EPM2A: variants seen among roughly 807,000 people sequenced by gnomAD.
The protein encoded by EPM2A is EPM2A glucan phosphatase, laforin, also known as laforin.
A neutral mutation model predicts 26.5 loss-of-function variants in EPM2A; 21 were observed. That is an observed-to-expected ratio of 0.79 (90% CI 0.56 to 1.14). The LOEUF (loss-of-function observed/expected upper bound fraction) is 1.14, where lower values mean the gene tolerates loss of function less well. Among genes scored for constraint, EPM2A ranks in the 50% most tolerant of loss-of-function variants. EPM2A has a pLI of 0.00. For synonymous variants in EPM2A, 217 were observed against 177.6 expected, an observed-to-expected ratio of 1.22 and a Z score of -1.76; for missense variants, 458 against 440.8, an observed-to-expected ratio of 1.04 and a Z score of -0.35.
chr6:145,443,378 C>A (rs1401290827), intron 4 of EPM2A, among the ~76,000 whole-genome samples: 1 of 152,138 alleles, frequency 6.6e-6, no homozygotes, highest in Non-Finnish European at 1.5e-5. Context: ...AAGTTTCTTC[C>A]ATTTGCTTCT....
downstream of EPM2A, among the ~76,000 whole-genome samples, chr6:145,498,776 G>A (rs192743978): frequency 7.9e-5 from 12 of 152,154 alleles, no homozygotes; most frequent in East Asian, 1.9e-4. Context: ...GTTCCTCTCC[G>A]TGAGTGCCAT....
intron 4 of EPM2A, chr6:145,489,649 G>A: frequency 7.7e-7 from 1 of 1,305,458 alleles, no homozygotes; most frequent in East Asian, 2.3e-5. Flanking sequence ...AACCAGCATA[G>A]CTGTTCTGTC....
Position 145,574,372 on chromosome 6 carries a change from C to T in EPM2A, c.340+60873G>A, listed in dbSNP as rs184150070. On this transcript the variant is annotated intron_variant, in intron 2 of 3. Coordinates refer to the EPM2A transcript ENST00000450221. ...CCTCTGCTGTCCATTATGGTAGCTA[C>T]ACCCACCTTGCCTTTGACAGTTGAG... Among the ~76,000 whole-genome samples the T allele has an allele frequency of 6.6e-5, 10 of 152,320 alleles. No individual in the cohort carries two copies. The East Asian group carries it at 1.9e-3, about 29-fold the overall frequency.
intron 4 of EPM2A, among the ~76,000 whole-genome samples, chr6:145,449,741 A>G (rs1251945023): frequency 1.3e-5 from 2 of 152,196 alleles, no homozygotes; most frequent in African/African-American, 2.4e-5. Context: ...CAGATTTTCA[A>G]TGGACTCTTC....
At chr6:145,563,533 C>A (rs1174747901) in intron 2 of EPM2A, among the ~76,000 whole-genome samples, 1 of 151,758 alleles carries the variant, frequency 6.6e-6, no homozygotes, top group Non-Finnish European at 1.5e-5. Context: ...ATGGTAAGTG[C>A]AATAGAAAGC....
rs374359284 is a variant in EPM2A at position 145,491,391 on chromosome 6, GGGCCCTGTGGACTCCATATCT to G, written c.555+11110_555+11130del. 2.7e-3 allele frequency among the ~76,000 whole-genome samples: 418 copies of G among 152,202 alleles called. 2 individuals carry two copies. Among genetic ancestry groups the G allele is most frequent in the Non-Finnish European group, 4.7e-3 (319 of 67,988 alleles). On this transcript the variant is annotated intron_variant, in intron 4 of 4. Transcript: ENST00000638717. The stretch of plus-strand genomic sequence containing the variant: ...TGCTGGCAGGAGCAAAACTCTATGC[GGGCCCTGTGGACTCCATATCT>G]GGCAGGACCCTCCATCCCCAGCTGG...
intron 1 of EPM2A, among the ~76,000 whole-genome samples, chr6:145,730,655 T>C (rs887220748): frequency 3.3e-5 from 5 of 152,202 alleles, no homozygotes; most frequent in Admixed American, 6.5e-5. Context: ...TTCAGTTTGG[T>C]TACATGAATT....
In EPM2A at chr6:145,735,424, C is replaced by T. The variant is rs1386842136; in HGVS notation, c.75G>A (p.Ser25=). ...GCTCCCAACGCCCCAGCTCGGGCCGCGACCCCACCACCAGCAGCTCCGGCC... is the reference window on the plus strand; with the variant it reads ...GCTCCCAACGCCCCAGCTCGGGCCGTGACCCCACCACCAGCAGCTCCGGCC... ...GARPELLVVG[S]RPELGRWEPR... Residue 25 remains serine, a synonymous_variant, in exon 1 of 4, where the codon TCG becomes TCA. Coordinates refer to ENST00000367519, the MANE Select transcript of EPM2A (RefSeq NM_005670.4). 8.0e-7 allele frequency: 1 copy of T among 1,255,950 alleles called. No individual in the cohort carries two copies. The highest frequency in any genetic ancestry group is 2.6e-5 in the South Asian group (1 of 38,666). The allele number at this position is 1,255,950 out of a possible 1,614,324, so 77.8% of individuals were successfully genotyped here.
intron 2 of EPM2A, among the ~76,000 whole-genome samples, chr6:145,672,170 C>T (rs1384057262): frequency 1.3e-5 from 2 of 152,134 alleles, no homozygotes; most frequent in African/African-American, 4.8e-5. Context: ...AAACATAGTA[C>T]AAGCTAAATG....
intron 4 of EPM2A, among the ~76,000 whole-genome samples, chr6:145,399,186 C>T (rs1444966913): frequency 1.3e-5 from 2 of 152,068 alleles, no homozygotes; most frequent in East Asian, 1.9e-4. Flanking sequence ...AGAGAGGTGA[C>T]TCATGGTTTA....
At chr6:145,724,707 A>G (rs182439482) in intron 1 of EPM2A, among the ~76,000 whole-genome samples, 9 of 152,088 alleles carry the variant, frequency 5.9e-5, no homozygotes, top group Non-Finnish European at 8.8e-5. Context: ...ATATGCAAAT[A>G]AAGTCAGGTG....
chr6:145,708,918 T>C (rs938053033), intron 1 of EPM2A, among the ~76,000 whole-genome samples: 2 of 152,110 alleles, frequency 1.3e-5, no homozygotes, highest in Non-Finnish European at 2.9e-5. Flanking sequence ...CTTGCATTAG[T>C]GTGACCTGGA....
At chr6:145,578,948 C>A (rs137957018) in intron 2 of EPM2A, among the ~76,000 whole-genome samples, 1 of 150,736 alleles carries the variant, frequency 6.6e-6, no homozygotes, top group African/African-American at 2.4e-5. Flanking sequence ...GGGAATTGAA[C>A]AATGAGAACA....
At chr6:145,636,165 T>TAATAACCCTTTAGAC (rs1776667346) in intron 2 of EPM2A, 1 of 152,356 alleles carries the variant, frequency 6.6e-6, no homozygotes, top group Non-Finnish European at 1.5e-5. Flanking sequence ...AGAAAAATTT[T>TAATAACCCTTTAGAC]AATAACCCTT....
chr6:145,472,634 C>T (rs1174639551), intron 4 of EPM2A, among the ~76,000 whole-genome samples: 1 of 152,096 alleles, frequency 6.6e-6, no homozygotes, highest in Non-Finnish European at 1.5e-5. Context: ...GGCAGTACTC[C>T]TCATGGCCTA....
At chr6:145,587,175 A>C (rs781067859) in intron 2 of EPM2A, among the ~76,000 whole-genome samples, 1 of 152,224 alleles carries the variant, frequency 6.6e-6, no homozygotes, top group African/African-American at 2.4e-5. Flanking sequence ...AGTAATTGGT[A>C]ATAACATAAT....
intron 2 of EPM2A, among the ~76,000 whole-genome samples, chr6:145,558,167 T>C (rs1034216905): frequency 1.3e-5 from 2 of 152,152 alleles, no homozygotes; most frequent in African/African-American, 2.4e-5. Flanking sequence ...TATTCATTTA[T>C]GGATAGAAGC....
At chr6:145,536,258 T>C (rs112357848) in intron 2 of EPM2A, among the ~76,000 whole-genome samples, 1 of 145,350 alleles carries the variant, frequency 6.9e-6, no homozygotes, top group Non-Finnish European at 1.5e-5. Context: ...TTTTTGTTTT[T>C]GTTTTTGTTT....
At chr6:145,491,907 G>T in intron 4 of EPM2A, 1 of 478,684 alleles carries the variant, frequency 2.1e-6, no homozygotes, top group South Asian at 1.6e-5. Flanking sequence ...TAAATTGAAA[G>T]AATTTATAGA....
Sources: allele counts gnomAD v4.1 joint callset (sites outside exome capture counted in the v4.1 genomes callset), GRCh38; gene constraint gnomAD v4.1.1; transcripts MANE v1.5; gene names NCBI Gene and HGNC (gene_info 2026-07-23, HGNC 2026-07-21).